RAB11FIP2: variants seen among roughly 807,000 people sequenced by gnomAD.
RAB11FIP2 encodes the protein rab11 family-interacting protein 2.
Under a neutral mutation model 40.9 loss-of-function variants are expected in RAB11FIP2, and 16 were observed. The observed-to-expected ratio is 0.39, with a 90% CI of 0.26 to 0.59. RAB11FIP2 has a LOEUF of 0.59. Among genes scored for constraint, RAB11FIP2 ranks in the 20% least tolerant of loss-of-function variants. The pLI, the probability that RAB11FIP2 is intolerant of heterozygous loss-of-function variation, is 0.53. For synonymous variants in RAB11FIP2, 228 were observed against 213.7 expected (o/e 1.07, Z -0.58); for missense variants, 532 against 606.2 (o/e 0.88, Z 1.28).
chr10:118,006,375 A>G lies in RAB11FIP2; in HGVS notation c.*2623T>C, dbSNP rs1377339758. ...TAGTGTTTTGGGCATGCATTCTTTA[A>G]AGCATAAAAGCAAAAATAAACTCTA... On this transcript the variant is annotated 3_prime_UTR_variant, in exon 5 of 5. Transcript: ENST00000355624. 1 of 152,548 alleles carries G rather than the reference A, an allele frequency of 6.6e-6. No homozygotes were observed. The highest frequency in any genetic ancestry group is 1.9e-4 in the East Asian group (1 of 5,198). The allele number at this position is 152,548 out of a possible 1,614,324, so 9.4% of individuals were successfully genotyped here.
chr10:118,036,077 TA>T lies in RAB11FIP2; in HGVS notation c.1265+2894del, dbSNP rs563578657. Among the ~76,000 whole-genome samples the T allele has an allele frequency of 3.4e-3, 522 of 152,152 alleles. 1 individual carries two copies. The highest frequency in any genetic ancestry group is 0.012 in the African/African-American group (499 of 41,504). On this transcript the variant is annotated intron_variant, in intron 3 of 4. Coordinates refer to ENST00000355624, the MANE Select transcript of RAB11FIP2 (RefSeq NM_014904.3). ...ACTAAGGAATAAAAAGTCTAACTTCTAAAAAAAGTGTGCCTTAGTACATTTT... is the reference window on the plus strand; with the variant it reads ...ACTAAGGAATAAAAAGTCTAACTTCTAAAAAAGTGTGCCTTAGTACATTTT...
intron 1 of RAB11FIP2, among the ~76,000 whole-genome samples, chr10:118,041,900 C>T (rs1014707931): frequency 1.3e-5 from 2 of 152,022 alleles, no homozygotes; most frequent in African/African-American, 2.4e-5. Flanking sequence ...ATACTATTAG[C>T]CTGAGACCTT....
Position 118,039,190 on chromosome 10 carries a change from A to C in RAB11FIP2, c.1047T>G (p.Asn349Lys), listed in dbSNP as rs755575274. The C allele has an allele frequency of 9.9e-6, 16 of 1,612,832 alleles. No homozygotes were observed. Among genetic ancestry groups the C allele is most frequent in the Admixed American group, 1.7e-5 (1 of 59,840 alleles). Residue 349 changes from asparagine to lysine, a missense_variant, in exon 3 of 5, where the codon AAT (asparagine) becomes AAG (lysine). By Grantham distance (94) the Asn-to-Lys change is moderately conservative. Coordinates refer to ENST00000355624, the MANE Select transcript of RAB11FIP2 (RefSeq NM_014904.3). ...FSKPIEIRKE[N>K]KREKREKVSL... ...TAACTTTCTCCCTTTTCTCTCTTTT[A>C]TTTTCTTTTCTTATTTCAATTGGTT...
At chr10:118,035,500 G>A (rs1045663748) in intron 3 of RAB11FIP2, among the ~76,000 whole-genome samples, 1 of 152,112 alleles carries the variant, frequency 6.6e-6, no homozygotes, top group African/African-American at 2.4e-5. Context: ...GAAGTAGGAG[G>A]CTAACGGAAT....
chr10:118,025,309 T>C (rs972670240), intron 3 of RAB11FIP2, among the ~76,000 whole-genome samples: 1 of 152,194 alleles, frequency 6.6e-6, no homozygotes, highest in Non-Finnish European at 1.5e-5. Context: ...AAATAAACTA[T>C]TCAAAGAACA....
At chr10:118,015,934 AAAC>A (rs1328801441) in intron 3 of RAB11FIP2, among the ~76,000 whole-genome samples, 41 of 152,362 alleles carry the variant, frequency 2.7e-4, no homozygotes, top group African/African-American at 8.2e-4. Context: ...TCCATGCACA[AAAC>A]AACAACTGTA....
chr10:118,021,866 T>C (rs984472088), intron 3 of RAB11FIP2, among the ~76,000 whole-genome samples: 1 of 152,238 alleles, frequency 6.6e-6, no homozygotes, highest in Admixed American at 6.5e-5. Flanking sequence ...AAGGTTGTTT[T>C]CAGGCCTTTT....
At chr10:118,030,071 AAAAATAAACTG>A (rs1188912641) in intron 3 of RAB11FIP2, among the ~76,000 whole-genome samples, 1 of 152,188 alleles carries the variant, frequency 6.6e-6, no homozygotes, top group African/African-American at 2.4e-5. Flanking sequence ...GTCACAGGTA[AAAAATAAACTG>A]AAAATAAATG....
At chr10:118,030,350 C>T (rs1365872342) in intron 3 of RAB11FIP2, among the ~76,000 whole-genome samples, 2 of 152,120 alleles carry the variant, frequency 1.3e-5, no homozygotes, top group Admixed American at 1.3e-4. Flanking sequence ...CATGCTGTAT[C>T]TTATATTTGA....
intron 3 of RAB11FIP2, among the ~76,000 whole-genome samples, chr10:118,023,279 G>T (rs1386469042): frequency 6.6e-6 from 1 of 152,142 alleles, no homozygotes; most frequent in Non-Finnish European, 1.5e-5. Context: ...CTAAAAAAGT[G>T]AAGTGCCCAA....
chr10:118,030,827 C>T (rs1846404412), intron 3 of RAB11FIP2, among the ~76,000 whole-genome samples: 1 of 151,998 alleles, frequency 6.6e-6, no homozygotes, highest in Non-Finnish European at 1.5e-5. Context: ...TGCAAATTAA[C>T]CCACTGGGAG....
At chr10:118,011,792 T>C (rs1430371328) in intron 4 of RAB11FIP2, among the ~76,000 whole-genome samples, 1 of 152,106 alleles carries the variant, frequency 6.6e-6, no homozygotes, top group East Asian at 1.9e-4. Context: ...ACTGAGAAAT[T>C]CATGTTCTTG....
intron 1 of RAB11FIP2, among the ~76,000 whole-genome samples, chr10:118,040,832 G>A (rs1846549353): frequency 6.6e-6 from 1 of 152,086 alleles, no homozygotes; most frequent in Non-Finnish European, 1.5e-5. Flanking sequence ...CTTTTCTTTT[G>A]TAATTTGAAA....
chr10:118,014,882 T>C (rs186531259), intron 4 of RAB11FIP2, among the ~76,000 whole-genome samples, 183 bp downstream of exon 4: 101 of 152,298 alleles, frequency 6.6e-4, no homozygotes, highest in African/African-American at 2.2e-3. Flanking sequence ...TCACACCCTA[T>C]TGTATATTAA....
chr10:118,038,083 G>A (rs1846505236), intron 3 of RAB11FIP2, among the ~76,000 whole-genome samples: 1 of 151,590 alleles, frequency 6.6e-6, no homozygotes, highest in Non-Finnish European at 1.5e-5. Flanking sequence ...ATCCAAAAAT[G>A]CAGAACCTGC....
Position 118,040,182 on chromosome 10 carries a change from A to T in RAB11FIP2, c.737T>A (p.Ile246Lys). Residue 246 changes from isoleucine (I) to lysine (K), a missense_variant, in exon 2 of 5, where the codon ATA becomes AAA. Physicochemically the swap from Ile to Lys is moderately radical, Grantham distance 102. Coordinates refer to ENST00000355624, the MANE Select transcript of RAB11FIP2 (RefSeq NM_014904.3). ...GTGTCCGAGAAGATGTGTTTGACCT[A>T]TGGTGCCAGCCTTCAGTTTCTCAGA... ...MSSEKLKAGT[I>K]GQTHLLGHQL... is the part of the protein sequence containing the mutation. The T allele has an allele frequency of 1.2e-6, 2 of 1,613,846 alleles. No individual in the cohort carries two copies. The highest frequency in any genetic ancestry group is 1.1e-5 in the South Asian group (1 of 91,082).
At chr10:118,014,778 A>G (rs1274097144) in intron 4 of RAB11FIP2, among the ~76,000 whole-genome samples, 1 of 152,164 alleles carries the variant, frequency 6.6e-6, no homozygotes, top group Admixed American at 6.6e-5. Flanking sequence ...TACAGCTTGC[A>G]TATTAATTTC....
chr10:118,011,023 A>T (rs1373226065), intron 4 of RAB11FIP2, among the ~76,000 whole-genome samples: 1 of 152,018 alleles, frequency 6.6e-6, no homozygotes, highest in Non-Finnish European at 1.5e-5. Flanking sequence ...GAAGGTTTCT[A>T]AACAGAGAAA....
chr10:118,028,709 T>G (rs1013310178), intron 3 of RAB11FIP2, among the ~76,000 whole-genome samples: 1 of 152,120 alleles, frequency 6.6e-6, no homozygotes, highest in African/African-American at 2.4e-5. Flanking sequence ...ATGTAAGAAA[T>G]AGAAGTTATC....
Sources: allele counts gnomAD v4.1 joint callset (sites outside exome capture counted in the v4.1 genomes callset), GRCh38; gene constraint gnomAD v4.1.1; transcripts MANE v1.5; gene names NCBI Gene and HGNC (gene_info 2026-07-23, HGNC 2026-07-21).